Variants in OAF observed in about 807,000 individuals in gnomAD.
OAF encodes out at first protein homolog.
A neutral mutation model predicts 22.5 loss-of-function variants in OAF; 13 were observed. That is an observed-to-expected ratio of 0.58 (90% CI 0.38 to 0.92). The LOEUF (loss-of-function observed/expected upper bound fraction) is 0.92, where lower values mean the gene tolerates loss of function less well. Among genes scored for constraint, OAF ranks in the 40% least tolerant of loss-of-function variants. OAF has a pLI of 0.00. For synonymous variants in OAF, 175 were observed against 170.5 expected (o/e 1.03, Z -0.21); for missense variants, 347 against 381.8 (o/e 0.91, Z 0.76).
At chr11:120,216,766 A>T (rs192486847) in intron 1 of OAF, among the ~76,000 whole-genome samples, 2,056 of 152,310 alleles carry the variant, frequency 0.013, 73 homozygotes, top group Admixed American at 0.082. Flanking sequence ...AGAGTGAGTT[A>T]GTTCCCTCCC....
In OAF at chr11:120,226,999, C is replaced by A; in HGVS notation, c.547+3C>A. Reference sequence around the variant, plus strand: ...TGTCCGGTTCTGGCTGGAGCAAGGTCAGCTGGGAGCTGGGCACTGCCCGCT... The same window carrying A: ...TGTCCGGTTCTGGCTGGAGCAAGGTAAGCTGGGAGCTGGGCACTGCCCGCT... On this transcript the variant is annotated splice_donor_region_variant and intron_variant, in intron 3 of 3. Transcript: ENST00000328965. 6.3e-7 allele frequency: 1 copy of A among 1,588,484 alleles called. No homozygotes were observed. The highest frequency in any genetic ancestry group is 8.6e-7 in the Non-Finnish European group (1 of 1,160,636).
intron 1 of OAF, chr11:120,217,270 G>C (rs1938225294): frequency 6.6e-6 from 1 of 152,226 alleles, no homozygotes. Flanking sequence ...TGGGTGAGGG[G>C]GATGAGTTTG....
intron 1 of OAF, among the ~76,000 whole-genome samples, chr11:120,225,177 G>A (rs1348750150): frequency 6.6e-6 from 1 of 152,098 alleles, no homozygotes; most frequent in African/African-American, 2.4e-5. Context: ...CGGTGGCCAG[G>A]AGCCTGGCCA....
chr11:120,228,948 C>G lies in OAF; in HGVS notation c.628C>G (p.His210Asp). The G allele has an allele frequency of 6.2e-7, 1 of 1,612,036 alleles. No homozygotes were observed. Among genetic ancestry groups the G allele is most frequent in the Non-Finnish European group, 8.5e-7 (1 of 1,179,764 alleles). The change falls in exon 4 of 4, where the codon CAC becomes GAC. Residue 210 changes from histidine to aspartate, a missense_variant. His to Asp is a moderately conservative substitution (Grantham distance 81). Coordinates refer to ENST00000328965, the MANE Select transcript of OAF (RefSeq NM_178507.4). The part of the protein sequence containing the change: ...ELPRCRQVGD[H>D]GKPCVCRYGL... ...GCCTCGCTGCAGGCAGGTGGGGGAC[C>G]ACGGGAAGCCCTGCGTCTGCCGCTA...
chr11:120,220,704 C>T (rs1480777590), intron 1 of OAF, among the ~76,000 whole-genome samples: 1 of 152,150 alleles, frequency 6.6e-6, no homozygotes. Context: ...GACAGCTGAG[C>T]ACAGGGCATC....
intron 1 of OAF, among the ~76,000 whole-genome samples, chr11:120,218,920 C>T (rs1051543760): frequency 6.6e-6 from 1 of 151,960 alleles, no homozygotes; most frequent in Non-Finnish European, 1.5e-5. Context: ...CAGAGGAGAC[C>T]GGGCAGGCTG....
chr11:120,225,907 A>G, intron 2 of OAF, 112 bp downstream of exon 2: 1 of 865,600 alleles, frequency 1.2e-6, no homozygotes, highest in Non-Finnish European at 1.8e-6. Context: ...CGACCCCTGC[A>G]GCCAGCCTAG....
chr11:120,226,039 GC>G (rs1294429218), intron 2 of OAF, among the ~76,000 whole-genome samples: 1 of 152,088 alleles, frequency 6.6e-6, no homozygotes, highest in Non-Finnish European at 1.5e-5. Context: ...AGAGTCCTGA[GC>G]CCCTGATTTT....
chr11:120,217,828 T>C (rs1291362704), intron 1 of OAF, among the ~76,000 whole-genome samples: 4 of 152,224 alleles, frequency 2.6e-5, no homozygotes. Flanking sequence ...CGCTTGGATG[T>C]CCGTCTACCC....
intron 2 of OAF, among the ~76,000 whole-genome samples, chr11:120,226,432 G>A (rs1049658278): frequency 2.0e-5 from 3 of 152,252 alleles, no homozygotes; most frequent in Admixed American, 2.0e-4. Context: ...CCTGCGCTTT[G>A]CCTGCTTTCC....
At chr11:120,217,192 TG>T (rs1938223636) in intron 1 of OAF, 1 of 152,250 alleles carries the variant, frequency 6.6e-6, no homozygotes, top group Non-Finnish European at 1.5e-5. Context: ...TTACCTCCAG[TG>T]GATGGAGTGT....
Position 120,229,079 on chromosome 11 carries a change from C to T in OAF, c.759C>T (p.Ser253=). Residue 253 remains serine, a synonymous_variant, in exon 4 of 4, where the codon AGC becomes AGT. Coordinates refer to ENST00000328965, the MANE Select transcript of OAF (RefSeq NM_178507.4). The part of the protein sequence containing the change: ...CGIRSCQKSY[S]FDFYVPQRQL... ...TCCGCAGCTGCCAGAAGAGCTACAG[C>T]TTCGACTTCTACGTGCCCCAGAGGC... 1 of 1,613,720 alleles carries T rather than the reference C, an allele frequency of 6.2e-7. No individual in the cohort carries two copies. Among genetic ancestry groups the T allele is most frequent in the South Asian group, 1.1e-5 (1 of 91,084 alleles).
Position 120,226,695 on chromosome 11 carries a change from G to A in OAF, c.367-121G>A. ...TGGAGAGGGGTGGGGCTGCCACCCT[G>A]CAGATGGCCCCAGCGTTCTAAAGGC... On this transcript the variant is annotated intron_variant, in intron 2 of 3. Coordinates refer to ENST00000328965, the MANE Select transcript of OAF (RefSeq NM_178507.4). 8.4e-6 allele frequency: 7 copies of A among 837,716 alleles called. No homozygotes were observed. In the South Asian group the frequency reaches 1.1e-4, roughly 13 times the overall value. 51.9% of individuals were successfully genotyped at this position (837,716 alleles called of 1,614,324 possible).
intron 1 of OAF, among the ~76,000 whole-genome samples, chr11:120,212,056 C>T (rs1938156449): frequency 6.6e-6 from 1 of 152,138 alleles, no homozygotes; most frequent in African/African-American, 2.4e-5. Context: ...CCTCTCAAGC[C>T]GGGAGAAGCC....
At chr11:120,227,108 C>T in intron 3 of OAF, 112 bp downstream of exon 3, 2 of 677,076 alleles carry the variant, frequency 3.0e-6, no homozygotes, top group Non-Finnish European at 4.9e-6. Context: ...TCATCATTAG[C>T]CAAGTCTCAT....
chr11:120,219,915 T>C (rs1475146897), intron 1 of OAF, among the ~76,000 whole-genome samples: 1 of 152,158 alleles, frequency 6.6e-6, no homozygotes, highest in East Asian at 1.9e-4. Flanking sequence ...AGAAAGAGTG[T>C]CTGCACATTG....
rs899536980 is a variant in OAF at position 120,222,768 on chromosome 11, T to G, written c.232-2893T>G. On this transcript the variant is annotated intron_variant, in intron 1 of 3. Coordinates refer to ENST00000328965, the MANE Select transcript of OAF (RefSeq NM_178507.4). Reference sequence around the variant, plus strand: ...CTCTACTAAAAATACAAAAATTAGCTGGGTGTGGTGGCCCATGCCTGTAGT... The same window carrying G: ...CTCTACTAAAAATACAAAAATTAGCGGGGTGTGGTGGCCCATGCCTGTAGT... Among the ~76,000 whole-genome samples the G allele has an allele frequency of 2.6e-5, 4 of 151,310 alleles. No individual in the cohort carries two copies. In the East Asian group the frequency reaches 7.9e-4, roughly 30 times the overall value.
In OAF at chr11:120,229,160, G is replaced by T. The variant is rs753737661; in HGVS notation, c.*18G>T. The T allele has an allele frequency of 1.2e-6, 2 of 1,602,636 alleles. No homozygotes were observed. The highest frequency in any genetic ancestry group is 2.2e-5 in the South Asian group (2 of 90,576). ...CAGGCTAGGGTGGGAGCAACCTGGC[G>T]GGTGGCTGCTCTGGGCCCACTGCTC... On this transcript the variant is annotated 3_prime_UTR_variant, in exon 4 of 4. Coordinates refer to ENST00000328965, the MANE Select transcript of OAF (RefSeq NM_178507.4).
intron 1 of OAF, among the ~76,000 whole-genome samples, chr11:120,224,018 C>G (rs1446150606): frequency 6.6e-6 from 1 of 152,194 alleles, no homozygotes; most frequent in African/African-American, 2.4e-5. Context: ...GCTGGCAGGA[C>G]AAGGAGATTG....
Sources: gnomAD v4.1 joint callset for allele counts (sites outside exome capture counted in the v4.1 genomes callset) on GRCh38, gnomAD v4.1.1 for gene constraint, MANE v1.5 for transcripts, NCBI Gene and HGNC (gene_info 2026-07-23, HGNC 2026-07-21) for gene names.